MCTP1: variants seen among roughly 807,000 people sequenced by gnomAD.
The protein encoded by MCTP1 is multiple C2 and transmembrane domain containing 1.
Under a neutral mutation model 120.6 loss-of-function variants are expected in MCTP1, and 69 were observed. The ratio of observed to expected loss-of-function variants is 0.57; its 90% confidence interval spans 0.47 to 0.70. The LOEUF (loss-of-function observed/expected upper bound fraction) is 0.70, where lower values mean the gene tolerates loss of function less well. Ranked by LOEUF, MCTP1 falls within the 30% of genes least tolerant of loss-of-function variation. The pLI, the probability that MCTP1 is intolerant of heterozygous loss-of-function variation, is 0.00. For synonymous variants in MCTP1, 529 were observed against 493.1 expected (o/e 1.07, Z -0.96); for missense variants, 1,203 against 1,248.8 (o/e 0.96, Z 0.55).
chr5:94,991,271 C>A (rs972938076), intron 2 of MCTP1, among the ~76,000 whole-genome samples: 1 of 152,122 alleles, frequency 6.6e-6, no homozygotes, highest in Non-Finnish European at 1.5e-5. Context: ...GATGTGCTAT[C>A]TTGTCACCGT....
At chr5:94,956,894 C>T (rs990310173) in intron 2 of MCTP1, among the ~76,000 whole-genome samples, 7 of 152,216 alleles carry the variant, frequency 4.6e-5, no homozygotes, top group Non-Finnish European at 1.0e-4. Flanking sequence ...GGCCAACATT[C>T]AAATTCAGGA....
At chr5:94,873,535 G>T (rs745607365) in intron 12 of MCTP1, among the ~76,000 whole-genome samples, 1 of 151,726 alleles carries the variant, frequency 6.6e-6, no homozygotes, top group African/African-American at 2.4e-5. Context: ...TTCTATAACC[G>T]GCAATTATGA....
At chr5:95,256,595 C>CT (rs1369325212) in intron 1 of MCTP1, among the ~76,000 whole-genome samples, 3 of 152,186 alleles carry the variant, frequency 2.0e-5, no homozygotes, top group Admixed American at 1.3e-4. Flanking sequence ...CTAGAAGTCC[C>CT]TTTTTGGCTT....
chr5:95,010,310 T>C (rs1031071365), intron 2 of MCTP1, among the ~76,000 whole-genome samples: 2 of 152,112 alleles, frequency 1.3e-5, no homozygotes, highest in African/African-American at 4.8e-5. Context: ...ACTTTCCTTC[T>C]CTATTTCCAC....
intron 6 of MCTP1, chr5:94,931,718 C>G: frequency 2.1e-6 from 1 of 486,404 alleles, no homozygotes; most frequent in Non-Finnish European, 3.6e-6. Context: ...AGACCAGATG[C>G]TGAGAATGAT....
chr5:95,284,227 G>A lies in MCTP1; in HGVS notation c.349C>T (p.Gln117Ter). 1 of 1,582,884 alleles carries A rather than the reference G, an allele frequency of 6.3e-7. No homozygotes were observed. The highest frequency in any genetic ancestry group is 8.5e-7 in the Non-Finnish European group (1 of 1,171,028). The change falls in exon 1 of 23, where the codon CAG becomes TAG. Residue 117 changes from glutamine (Q) to a stop codon, truncating the protein, a stop_gained. Coordinates refer to ENST00000515393, the MANE Select transcript of MCTP1 (RefSeq NM_024717.7). LOFTEE classifies it high-confidence loss of function. This position sits in a 1 kb window ranked among gnomAD's most constrained non-coding sequence, Gnocchi z 5.2. ...ATCCGGCGGCGTAGCGTGGACCCCT[G>A]CTCGGCTCTGCCGGCGCCGCCGGGC... ...LEPGGAGRAEQGSTLRRRIRE... is the reference protein window; with the variant it reads ...LEPGGAGRAE
At chr5:94,741,399 G>A (rs1170996222) in intron 19 of MCTP1, among the ~76,000 whole-genome samples, 2 of 152,170 alleles carry the variant, frequency 1.3e-5, no homozygotes, top group African/African-American at 4.8e-5. Context: ...AAAACATGAA[G>A]AGACCCTCTG....
intron 17 of MCTP1, among the ~76,000 whole-genome samples, chr5:94,833,885 A>C (rs914564315): frequency 1.2e-4 from 19 of 152,242 alleles, no homozygotes; most frequent in Admixed American, 1.2e-3. Flanking sequence ...AGATTTATCA[A>C]GAAAAGAGAG....
intron 1 of MCTP1, among the ~76,000 whole-genome samples, chr5:95,076,797 TTTTTC>T (rs1753694202): frequency 6.6e-6 from 1 of 152,178 alleles, no homozygotes; most frequent in Admixed American, 6.5e-5. Context: ...ATAATTGGTT[TTTTTC>T]TTTTTTCTTT....
At position 94,819,374 on chromosome 5, in the gene MCTP1, G is replaced by A. The variant is rs536747054; in HGVS notation, c.2437-20242C>T. 7.9e-5 allele frequency among the ~76,000 whole-genome samples: 12 copies of A among 152,096 alleles called. No individual in the cohort carries two copies. The East Asian group carries it at 2.3e-3, about 29-fold the overall frequency. On this transcript the variant is annotated intron_variant, in intron 17 of 22. Transcript: ENST00000515393. ...TCAAACTCCTGACCTCAGGTGATCC[G>A]ATTGCCTCGGCCTCTCAAAGTGCTG...
chr5:94,882,778 A>G (rs1261451768), intron 12 of MCTP1, among the ~76,000 whole-genome samples: 1 of 152,010 alleles, frequency 6.6e-6, no homozygotes, highest in East Asian at 1.9e-4. Context: ...ATAGTCCTTC[A>G]CCTCTAGTGC....
intron 1 of MCTP1, among the ~76,000 whole-genome samples, chr5:95,267,225 C>T (rs1254899668): frequency 2.0e-5 from 3 of 152,170 alleles, no homozygotes; most frequent in Non-Finnish European, 4.4e-5. Flanking sequence ...AAATGTACAC[C>T]TCCTTATAGA....
chr5:94,911,529 G>A (rs1029792670), intron 9 of MCTP1, among the ~76,000 whole-genome samples: 6 of 152,016 alleles, frequency 3.9e-5, no homozygotes, highest in African/African-American at 7.2e-5. Context: ...ACTCTCTCTC[G>A]CTCTGCCATA....
At chr5:95,088,378 C>T (rs754422511) in intron 1 of MCTP1, among the ~76,000 whole-genome samples, 5 of 152,196 alleles carry the variant, frequency 3.3e-5, no homozygotes, top group Non-Finnish European at 7.3e-5. Context: ...ATTGAAGATA[C>T]GCCTTAAGGA....
chr5:95,200,976 G>C (rs1442466714), intron 1 of MCTP1, among the ~76,000 whole-genome samples: 1 of 152,194 alleles, frequency 6.6e-6, no homozygotes, highest in African/African-American at 2.4e-5. Context: ...TGAAAAGTTT[G>C]TCAGCATAAC....
chr5:94,946,185 A>G (rs183660123), intron 3 of MCTP1, among the ~76,000 whole-genome samples: 5 of 152,310 alleles, frequency 3.3e-5, no homozygotes. Context: ...CTTCCTCATC[A>G]TTACTGCCTC....
chr5:94,862,733 A>G (rs1796048674), intron 17 of MCTP1, among the ~76,000 whole-genome samples: 1 of 151,822 alleles, frequency 6.6e-6, no homozygotes, highest in Non-Finnish European at 1.5e-5. Context: ...AATGCTTAGG[A>G]AAACCTAATT....
chr5:94,785,981 TC>T (rs1246305798), intron 18 of MCTP1, among the ~76,000 whole-genome samples: 2 of 152,152 alleles, frequency 1.3e-5, no homozygotes. Context: ...GGAATATATT[TC>T]CATATATGAT....
intron 1 of MCTP1, among the ~76,000 whole-genome samples, chr5:95,044,450 T>C (rs1228869016): frequency 6.6e-6 from 1 of 152,212 alleles, no homozygotes; most frequent in Non-Finnish European, 1.5e-5. Context: ...TGCTCATTTA[T>C]CTTCACACTT....
Sources: gnomAD v4.1 joint callset for allele counts (sites outside exome capture counted in the v4.1 genomes callset) on GRCh38, gnomAD v4.1.1 for gene constraint, Gnocchi (gnomAD v3.1) non-coding constraint, MANE v1.5 for transcripts, NCBI Gene and HGNC (gene_info 2026-07-23, HGNC 2026-07-21) for gene names.